Variants in GRID1 observed in about 807,000 individuals in gnomAD.
The protein encoded by GRID1 is glutamate ionotropic receptor delta type subunit 1.
In GRID1, 28 loss-of-function variants were observed where a neutral mutation model predicts 98.0. That is an observed-to-expected ratio of 0.29 (90% CI 0.21 to 0.39). The LOEUF (loss-of-function observed/expected upper bound fraction) is 0.39. Among genes scored for constraint, GRID1 ranks in the 10% least tolerant of loss-of-function variants. GRID1 has a pLI of 1.00. For synonymous variants in GRID1, 553 were observed against 538.5 expected (o/e 1.03, Z -0.37); for missense variants, 1,111 against 1,340.5 (o/e 0.83, Z 2.67).
rs61856014 is a variant in GRID1 at position 85,996,478 on chromosome 10, C to A, written c.727-80239G>T. Among the ~76,000 whole-genome samples, 805 of 151,998 alleles carry A rather than the reference C, an allele frequency of 5.3e-3. 7 individuals are homozygous for A. The highest frequency in any genetic ancestry group is 0.019 in the African/African-American group (767 of 41,456). On this transcript the variant is annotated intron_variant, in intron 4 of 15. Transcript: ENST00000327946. ...TTCACTGGATGGGCTCAATGAAGAA[C>A]GATGATGACAGAGGAAAGAATCAAT...
chr10:85,781,782 A>G (rs1378798505), intron 8 of GRID1, among the ~76,000 whole-genome samples: 1 of 151,812 alleles, frequency 6.6e-6, no homozygotes, highest in Non-Finnish European at 1.5e-5. Flanking sequence ...TCCAATGAAG[A>G]AAGAGAGATA....
At position 86,365,160 on chromosome 10, in the gene GRID1, C is replaced by T. The variant is rs573986666; in HGVS notation, c.80-1064G>A. On this transcript the variant is annotated intron_variant, in intron 1 of 15. Transcript: ENST00000327946. This position sits in a 1 kb window ranked among gnomAD's most constrained non-coding sequence, Gnocchi z 4.8. Reference sequence around the variant, plus strand: ...CCGCGAGACCCGCACCCCTCCAGGGCGGGAAGCAGGTTTGGTCACGGGCCC... The same window carrying T: ...CCGCGAGACCCGCACCCCTCCAGGGTGGGAAGCAGGTTTGGTCACGGGCCC... Among the ~76,000 whole-genome samples the T allele has an allele frequency of 1.2e-3, 178 of 152,280 alleles. No homozygotes were observed. The highest frequency in any genetic ancestry group is 3.7e-3 in the African/African-American group (155 of 41,564).
chr10:86,253,711 G>A (rs1846872173), intron 2 of GRID1, among the ~76,000 whole-genome samples: 1 of 152,196 alleles, frequency 6.6e-6, no homozygotes, highest in South Asian at 2.1e-4. Context: ...CTTGGGAGCT[G>A]GAGCCACCTT....
chr10:85,642,281 G>C (rs1249026925), intron 13 of GRID1, among the ~76,000 whole-genome samples: 1 of 152,186 alleles, frequency 6.6e-6, no homozygotes, highest in South Asian at 2.1e-4. Flanking sequence ...AGGAGTCAGA[G>C]TTTGCCAATC....
chr10:85,846,029 G>A (rs1034794265), intron 8 of GRID1, among the ~76,000 whole-genome samples: 14 of 152,102 alleles, frequency 9.2e-5, no homozygotes, highest in African/African-American at 3.4e-4. Flanking sequence ...TTTGATGTGA[G>A]TGTTGTCTGT....
chr10:85,769,853 CA>C (rs1487276396), intron 8 of GRID1, among the ~76,000 whole-genome samples: 1 of 152,240 alleles, frequency 6.6e-6, no homozygotes, highest in African/African-American at 2.4e-5. Context: ...CACCACAGCT[CA>C]AGGAGGCCTG....
intron 12 of GRID1, among the ~76,000 whole-genome samples, chr10:85,666,703 G>A (rs570024555): frequency 2.2e-4 from 33 of 152,214 alleles, no homozygotes; most frequent in Admixed American, 1.0e-3. Context: ...AACTCATCCC[G>A]AGCTTCCCCA....
intron 2 of GRID1, among the ~76,000 whole-genome samples, chr10:86,306,525 G>A (rs1847761011): frequency 6.6e-6 from 1 of 152,196 alleles, no homozygotes; most frequent in Non-Finnish European, 1.5e-5. Context: ...GTGGTAACCT[G>A]GGCTCAGAAA....
At chr10:85,714,703 C>T (rs372485046) in intron 12 of GRID1, among the ~76,000 whole-genome samples, 18 of 151,968 alleles carry the variant, frequency 1.2e-4, no homozygotes, top group Admixed American at 5.9e-4. Flanking sequence ...AATCTGTATG[C>T]CATGCTGTAA....
intron 2 of GRID1, among the ~76,000 whole-genome samples, chr10:86,272,292 G>A (rs1224591583): frequency 6.6e-6 from 1 of 152,170 alleles, no homozygotes; most frequent in Non-Finnish European, 1.5e-5. Flanking sequence ...AACTGCCAGA[G>A]CCAACTTTGT....
intron 14 of GRID1, among the ~76,000 whole-genome samples, chr10:85,614,795 C>A (rs1165874238): frequency 6.6e-6 from 1 of 152,080 alleles, no homozygotes; most frequent in Non-Finnish European, 1.5e-5. Context: ...GTGGGACAAC[C>A]CATGCTGCTT....
intron 8 of GRID1, among the ~76,000 whole-genome samples, chr10:85,854,143 A>G (rs1843086137): frequency 6.6e-6 from 1 of 152,016 alleles, no homozygotes; most frequent in African/African-American, 2.4e-5. Context: ...CTCAACCACA[A>G]TTCACACTTG....
At chr10:86,126,477 A>G (rs1393400625) in intron 4 of GRID1, among the ~76,000 whole-genome samples, 1 of 152,176 alleles carries the variant, frequency 6.6e-6, no homozygotes, top group African/African-American at 2.4e-5. Context: ...AAGAAAAAGA[A>G]AAGAAATAGG....
chr10:86,325,440 C>T (rs912619705), intron 2 of GRID1, among the ~76,000 whole-genome samples: 1 of 152,172 alleles, frequency 6.6e-6, no homozygotes, highest in Admixed American at 6.5e-5. Flanking sequence ...TGCTCCCTCT[C>T]GAGACCCAAA....
chr10:86,086,249 T>C (rs540425158), intron 4 of GRID1, among the ~76,000 whole-genome samples: 17 of 152,332 alleles, frequency 1.1e-4, no homozygotes, highest in African/African-American at 3.6e-4. Context: ...CTGTCTCTCC[T>C]CCTTCTACTT....
intron 4 of GRID1, among the ~76,000 whole-genome samples, chr10:85,955,890 G>C (rs77898808): frequency 0.12 from 18,636 of 152,160 alleles, 1,306 homozygotes; most frequent in Admixed American, 0.22. Context: ...CCACCAGAGG[G>C]GAGCTGGCCA....
At chr10:86,264,759 G>A (rs1239349293) in intron 2 of GRID1, 2 of 494,984 alleles carry the variant, frequency 4.0e-6, no homozygotes, top group Non-Finnish European at 8.4e-6. Context: ...AGGCAGGCAT[G>A]CGGGCAGACA....
intron 8 of GRID1, among the ~76,000 whole-genome samples, chr10:85,768,928 T>C (rs1313046168): frequency 6.6e-6 from 1 of 152,258 alleles, no homozygotes; most frequent in Non-Finnish European, 1.5e-5. Flanking sequence ...ACTTGTGAAT[T>C]AATATATGGT....
At chr10:86,324,121 G>A (rs970532135) in intron 2 of GRID1, among the ~76,000 whole-genome samples, 3 of 152,118 alleles carry the variant, frequency 2.0e-5, no homozygotes, top group Non-Finnish European at 4.4e-5. Flanking sequence ...AGAGATTGCA[G>A]TGAGCCGAAA....
Sources: allele counts gnomAD v4.1 joint callset (sites outside exome capture counted in the v4.1 genomes callset), GRCh38; gene constraint gnomAD v4.1.1; non-coding constraint Gnocchi (gnomAD v3.1); transcripts MANE v1.5; gene names NCBI Gene and HGNC (gene_info 2026-07-23, HGNC 2026-07-21).